BCL7C: variants seen among roughly 807,000 people sequenced by gnomAD.
BCL7C encodes the protein B-cell CLL/lymphoma 7 protein family member C.
A neutral mutation model predicts 26.2 loss-of-function variants in BCL7C; 8 were observed. That is an observed-to-expected ratio of 0.30 (90% CI 0.18 to 0.55). BCL7C has a LOEUF of 0.55. Among genes scored for constraint, BCL7C ranks in the 20% least tolerant of loss-of-function variants. BCL7C has a pLI of 0.93. For missense variants in BCL7C, 262 were observed against 298.5 expected, an observed-to-expected ratio of 0.88 and a Z score of 0.90; for synonymous variants, 90 against 116.5, an observed-to-expected ratio of 0.77 and a Z score of 1.47.
At chr16:30,854,805 G>A (rs1480987552) in intron 5 of BCL7C, among the ~76,000 whole-genome samples, 3 of 150,854 alleles carry the variant, frequency 2.0e-5, no homozygotes, top group Admixed American at 6.6e-5. Flanking sequence ...CTCCCAGAGC[G>A]ATTCTCCTGC....
Position 30,893,125 on chromosome 16 carries a change from G to C in BCL7C, c.171+87C>G. ...TCTGTCCTGCTGCATCTGAGGTCTC[G>C]GGGAGCTGGAGGTAGAGGTCAGCGT... On this transcript the variant is annotated intron_variant, in intron 2 of 5. Coordinates refer to ENST00000215115, the MANE Select transcript of BCL7C (RefSeq NM_004765.4). The surrounding 1 kb of genome is among the most constrained non-coding windows in gnomAD (Gnocchi z 5.2). 7.1e-7 allele frequency: 1 copy of C among 1,409,106 alleles called. No homozygotes were observed. Among genetic ancestry groups the C allele is most frequent in the South Asian group, 1.3e-5 (1 of 79,838 alleles). 87.3% of individuals were successfully genotyped at this position (1,409,106 alleles called of 1,614,324 possible).
chr16:30,875,317 T>G (rs1046941027), intron 5 of BCL7C: 11 of 153,852 alleles, frequency 7.1e-5, no homozygotes, highest in African/African-American at 2.4e-4. Context: ...TGCGCACTGC[T>G]GAGGTTGCCC....
At chr16:30,857,924 T>C (rs2054737027) in intron 5 of BCL7C, among the ~76,000 whole-genome samples, 1 of 147,898 alleles carries the variant, frequency 6.8e-6, no homozygotes, top group Non-Finnish European at 1.5e-5. Flanking sequence ...TGAGCCGAGA[T>C]TGTGCCATTG....
At chr16:30,884,980 G>A (rs373498919), downstream of BCL7C, among the ~76,000 whole-genome samples, 2 of 152,114 alleles carry the variant, frequency 1.3e-5, no homozygotes, top group South Asian at 4.1e-4. Flanking sequence ...CTCCTCCCTC[G>A]GGAGTGGTTG....
At chr16:30,886,618 G>A (rs1446065559), downstream of BCL7C, among the ~76,000 whole-genome samples, 3 of 152,140 alleles carry the variant, frequency 2.0e-5, no homozygotes, top group Non-Finnish European at 4.4e-5. Flanking sequence ...CACAAACCAC[G>A]GATCCCAGAA....
At chr16:30,837,162 A>ACTTAT (rs1306213563) in intron 5 of BCL7C, among the ~76,000 whole-genome samples, 1 of 152,038 alleles carries the variant, frequency 6.6e-6, no homozygotes, top group East Asian at 1.9e-4. Context: ...CCCTACTGAC[A>ACTTAT]CTTATGTATA....
intron 5 of BCL7C, among the ~76,000 whole-genome samples, chr16:30,845,789 C>A (rs1475650841): frequency 1.3e-5 from 2 of 151,736 alleles, no homozygotes; most frequent in African/African-American, 4.8e-5. Context: ...TCACAGCTCA[C>A]TGCAGCCTCA....
chr16:30,888,790 C>G, intron 5 of BCL7C, 70 bp downstream of exon 5: 1 of 1,469,768 alleles, frequency 6.8e-7, no homozygotes, highest in Non-Finnish European at 9.5e-7. Flanking sequence ...ACGCAGGCTC[C>G]AAGCCTTCGA....
chr16:30,885,956 A>G (rs545395709), downstream of BCL7C, among the ~76,000 whole-genome samples: 27 of 152,184 alleles, frequency 1.8e-4, no homozygotes, highest in South Asian at 4.8e-3. Flanking sequence ...GGCTCAAGCA[A>G]TCTTCCCACC....
chr16:30,872,589 T>C (rs910491536), intron 5 of BCL7C, among the ~76,000 whole-genome samples: 8 of 152,126 alleles, frequency 5.3e-5, no homozygotes, highest in Non-Finnish European at 7.4e-5. Flanking sequence ...GAGTCATAAA[T>C]TGTTTCATAG....
chr16:30,893,098 C>G lies in BCL7C; in HGVS notation c.171+114G>C. On this transcript the variant is annotated intron_variant, in intron 2 of 5. Coordinates refer to ENST00000215115, the MANE Select transcript of BCL7C (RefSeq NM_004765.4). This position sits in a 1 kb window ranked among gnomAD's most constrained non-coding sequence, Gnocchi z 5.2. ...GGGAGGAGCTGCTAATGATGGTTCCCGTCTGTCCTGCTGCATCTGAGGTCT... is the reference window on the plus strand; with the variant it reads ...GGGAGGAGCTGCTAATGATGGTTCCGGTCTGTCCTGCTGCATCTGAGGTCT... 3 of 1,270,754 alleles carry G rather than the reference C, an allele frequency of 2.4e-6. No homozygotes were observed. Among genetic ancestry groups the G allele is most frequent in the Non-Finnish European group, 2.2e-6 (2 of 898,216 alleles). 78.7% of individuals were successfully genotyped at this position (1,270,754 alleles called of 1,614,324 possible).
At chr16:30,851,143 C>T in intron 5 of BCL7C, 1 of 262,116 alleles carries the variant, frequency 3.8e-6, no homozygotes, top group Non-Finnish European at 7.6e-6. Context: ...GTTCGTTTTC[C>T]CTGCAAAACT....
chr16:30,873,954 T>TAC (rs145435913), intron 5 of BCL7C, among the ~76,000 whole-genome samples: 63 of 137,762 alleles, frequency 4.6e-4, no homozygotes, highest in Admixed American at 1.1e-3. Flanking sequence ...GATATATGTA[T>TAC]ACACACACAC....
intron 4 of BCL7C, among the ~76,000 whole-genome samples, chr16:30,890,607 T>C (rs914733279): frequency 5.3e-5 from 8 of 152,186 alleles, no homozygotes; most frequent in African/African-American, 1.9e-4. Flanking sequence ...CCTAGCACTT[T>C]GGGAGGCCGA....
At position 30,892,749 on chromosome 16, in the gene BCL7C, TGC is replaced by T; in HGVS notation, c.281-4_281-3del. 6.2e-7 allele frequency: 1 copy of T among 1,614,184 alleles called. No individual in the cohort carries two copies. The highest frequency in any genetic ancestry group is 8.5e-7 in the Non-Finnish European group (1 of 1,180,016). Reference sequence around the variant, plus strand: ...GGAAACTCTGGTTGCTGTTCTCATCTGCGGGAGCAAGAGCCGAGATGGTTGGC... The same window carrying T: ...GGAAACTCTGGTTGCTGTTCTCATCTGGGAGCAAGAGCCGAGATGGTTGGC... On this transcript the variant is annotated splice_region_variant and splice_polypyrimidine_tract_variant and intron_variant, in intron 3 of 5. Transcript: ENST00000215115.
chr16:30,863,037 C>T (rs1286546161), intron 5 of BCL7C, among the ~76,000 whole-genome samples: 2 of 152,118 alleles, frequency 1.3e-5, no homozygotes, highest in African/African-American at 2.4e-5. Flanking sequence ...AACAACTTGA[C>T]CTTACTGTTT....
At chr16:30,881,991 A>G (rs1268523200) in intron 5 of BCL7C, among the ~76,000 whole-genome samples, 2 of 151,144 alleles carry the variant, frequency 1.3e-5, no homozygotes, top group Non-Finnish European at 2.9e-5. Flanking sequence ...TTGAGACAGA[A>G]TCTCACTCAC....
chr16:30,857,972 C>CAAAAA (rs58563705), intron 5 of BCL7C, among the ~76,000 whole-genome samples: 3 of 116,006 alleles, frequency 2.6e-5, no homozygotes, highest in African/African-American at 3.3e-5. Flanking sequence ...ACTCCAACTC[C>CAAAAA]AAAAAAAAAA....
chr16:30,885,996 C>T (rs1056897074), downstream of BCL7C, among the ~76,000 whole-genome samples: 4 of 152,198 alleles, frequency 2.6e-5, no homozygotes, highest in South Asian at 2.1e-4. Flanking sequence ...GGACTACAGG[C>T]GCGCACCAGT....
Sources: allele counts gnomAD v4.1 joint callset (sites outside exome capture counted in the v4.1 genomes callset), GRCh38; gene constraint gnomAD v4.1.1; non-coding constraint Gnocchi (gnomAD v3.1); transcripts MANE v1.5; gene names NCBI Gene and HGNC (gene_info 2026-07-23, HGNC 2026-07-21).